PLEKHA7: variants seen among roughly 807,000 people sequenced by gnomAD.
The protein encoded by PLEKHA7 is pleckstrin homology domain-containing family A member 7.
In PLEKHA7, 104 loss-of-function variants were observed where a neutral mutation model predicts 170.0. The ratio of observed to expected loss-of-function variants is 0.61; its 90% CI spans 0.52 to 0.72. The LOEUF (loss-of-function observed/expected upper bound fraction) is 0.72. Ranked by LOEUF, PLEKHA7 falls within the 30% of genes least tolerant of loss-of-function variation. The probability of loss-of-function intolerance (pLI) is 0.00; values close to 1 mark genes in which losing one functional copy is unlikely to be tolerated. For synonymous variants in PLEKHA7, 648 were observed against 660.8 expected (o/e 0.98, Z 0.30); for missense variants, 1,615 against 1,671.7 (o/e 0.97, Z 0.59).
At chr11:16,913,665 GCA>G (rs774574359) in intron 3 of PLEKHA7, among the ~76,000 whole-genome samples, 1 of 152,214 alleles carries the variant, frequency 6.6e-6, no homozygotes, top group Non-Finnish European at 1.5e-5. Flanking sequence ...AGAGAGAGAA[GCA>G]CTGGAAAGGC....
At chr11:16,937,444 C>T (rs539644293) in intron 3 of PLEKHA7, among the ~76,000 whole-genome samples, 2 of 152,252 alleles carry the variant, frequency 1.3e-5, no homozygotes, top group South Asian at 4.2e-4. Context: ...ATACGACCAT[C>T]TGTATCATAG....
At chr11:16,936,391 G>C (rs1860295442) in intron 3 of PLEKHA7, among the ~76,000 whole-genome samples, 1 of 90,032 alleles carries the variant, frequency 1.1e-5, no homozygotes. Context: ...AATAGCGTGA[G>C]ACTCTGTCTC....
chr11:16,790,799 T>C lies in PLEKHA7; in HGVS notation c.3051A>G (p.Arg1017=), dbSNP rs763788394. The C allele has an allele frequency of 6.2e-7, 1 of 1,608,454 alleles. No individual in the cohort carries two copies. The highest frequency in any genetic ancestry group is 8.5e-7 in the Non-Finnish European group (1 of 1,177,712). The change falls in exon 21 of 27, where the codon AGA becomes AGG. Residue 1017 remains arginine, a splice_region_variant and synonymous_variant. Transcript: ENST00000531066. The part of the protein sequence containing the change: ...PESRYQTLPG[R]GLSGSTSRLQ... ...ACTCCAGGGAGGGCCCTGCCTTACC[T>C]CTGCCTGGCAGCGTCTGGTACCTGC... is the stretch of plus-strand genomic sequence containing the variant.
At chr11:16,864,891 A>G (rs903012014) in intron 4 of PLEKHA7, among the ~76,000 whole-genome samples, 6 of 152,192 alleles carry the variant, frequency 3.9e-5, no homozygotes, top group African/African-American at 1.4e-4. Flanking sequence ...TGAAATTTGT[A>G]TGCCTATAGC....
At chr11:17,010,397 A>AAATG (rs1360625800) in intron 3 of PLEKHA7, among the ~76,000 whole-genome samples, 1 of 22,480 alleles carries the variant, frequency 4.4e-5, no homozygotes, top group Non-Finnish European at 1.5e-4. Context: ...TTTAAAAAAA[A>AAATG]AAAGAAAGAA....
intron 3 of PLEKHA7, among the ~76,000 whole-genome samples, chr11:16,997,169 C>G (rs1312206760): frequency 6.6e-6 from 1 of 152,120 alleles, no homozygotes; most frequent in Admixed American, 6.6e-5. Flanking sequence ...GCTCCCATCA[C>G]CACCCCTCTA....
chr11:16,947,633 T>C lies in PLEKHA7; in HGVS notation c.221+66356A>G, dbSNP rs1406426452. 2.1e-5 allele frequency among the ~76,000 whole-genome samples: 3 copies of C among 140,972 alleles called. No individual in the cohort carries two copies. The Admixed American group carries it at 2.1e-4, about 10-fold the overall frequency. 92.5% of individuals were successfully genotyped at this position (140,972 alleles called of 152,430 possible). ...GAAAGAAAGAAAGGAAAAGCAAATATGGCTGGGCGCGGTGGCTCACACTTG... is the reference window on the plus strand; with the variant it reads ...GAAAGAAAGAAAGGAAAAGCAAATACGGCTGGGCGCGGTGGCTCACACTTG... On this transcript the variant is annotated intron_variant, in intron 3 of 26. Transcript: ENST00000531066.
intron 3 of PLEKHA7, among the ~76,000 whole-genome samples, chr11:16,964,833 G>A (rs1862273926): frequency 6.6e-6 from 1 of 152,170 alleles, no homozygotes; most frequent in Non-Finnish European, 1.5e-5. Context: ...TGCTCAAGAT[G>A]ACCCACGGAG....
chr11:16,813,097 C>A lies in PLEKHA7; in HGVS notation c.2007+16G>T. ...GGTGAGTATGCAAGGAAGGCAGGAACCCTGATGTCACTTACCTTTAGATCC... is the reference window on the plus strand; with the variant it reads ...GGTGAGTATGCAAGGAAGGCAGGAAACCTGATGTCACTTACCTTTAGATCC... On this transcript the variant is annotated intron_variant, in intron 13 of 26. Coordinates refer to ENST00000531066, the MANE Select transcript of PLEKHA7 (RefSeq NM_001329630.2). 6 of 1,611,018 alleles carry A rather than the reference C, an allele frequency of 3.7e-6. No homozygotes were observed. The highest frequency in any genetic ancestry group is 2.2e-5 in the East Asian group (1 of 44,792).
rs1359871870 is a variant in PLEKHA7 at position 16,892,617 on chromosome 11, TTC to T, written c.222-21437_222-21436del. On this transcript the variant is annotated intron_variant, in intron 3 of 26. Coordinates refer to ENST00000531066, the MANE Select transcript of PLEKHA7 (RefSeq NM_001329630.2). ...CGTGCCACCATGCCCAGCTTCCAGC[TTC>T]TTTTTTTTTTTTTTTTTTTTTTCGT... Among the ~76,000 whole-genome samples the T allele has an allele frequency of 1.4e-3, 162 of 114,672 alleles. 1 individual carries two copies. Among genetic ancestry groups the T allele is most frequent in the African/African-American group, 5.5e-3 (156 of 28,530 alleles). 75.2% of individuals were successfully genotyped at this position (114,672 alleles called of 152,430 possible).
intron 1 of PLEKHA7, 39 bp from the exon 2 acceptor site, chr11:17,014,240 C>G: frequency 7.0e-7 from 1 of 1,430,768 alleles, no homozygotes; most frequent in Non-Finnish European, 9.1e-7. Flanking sequence ...GCCGCCACAG[C>G]CCGCCGGGTG....
At chr11:16,865,061 C>G (rs1193529416) in intron 4 of PLEKHA7, among the ~76,000 whole-genome samples, 1 of 152,162 alleles carries the variant, frequency 6.6e-6, no homozygotes, top group Non-Finnish European at 1.5e-5. Context: ...GAACCCTCAC[C>G]ATAATGGTCC....
chr11:16,879,782 T>TG (rs1464444344), intron 3 of PLEKHA7, among the ~76,000 whole-genome samples: 5 of 152,244 alleles, frequency 3.3e-5, no homozygotes, highest in Admixed American at 6.5e-5. Context: ...AACAGTCTTC[T>TG]GGCATGATTT....
intron 4 of PLEKHA7, among the ~76,000 whole-genome samples, chr11:16,866,060 A>G (rs1854367316): frequency 6.6e-6 from 1 of 151,438 alleles, no homozygotes; most frequent in Non-Finnish European, 1.5e-5. Flanking sequence ...GGTGGTCTCG[A>G]TCTCCTGACC....
intron 3 of PLEKHA7, among the ~76,000 whole-genome samples, chr11:16,991,988 G>A (rs888198579): frequency 5.9e-5 from 9 of 152,168 alleles, no homozygotes; most frequent in South Asian, 4.1e-4. Flanking sequence ...AAAGCTCCCC[G>A]GGAATGTGCC....
intron 3 of PLEKHA7, among the ~76,000 whole-genome samples, chr11:16,896,121 C>T (rs1342896080): frequency 2.0e-5 from 3 of 152,306 alleles, no homozygotes; most frequent in East Asian, 3.9e-4. Flanking sequence ...CTCTGAGTTC[C>T]GTCCACTCTC....
chr11:16,783,802 T>C lies in PLEKHA7; in HGVS notation c.3548A>G (p.Glu1183Gly), dbSNP rs1261739599. 1.3e-5 allele frequency: 20 copies of C among 1,509,880 alleles called. No individual in the cohort carries two copies. The highest frequency in any genetic ancestry group is 6.4e-5 in the Admixed American group (3 of 47,220). 93.5% of individuals were successfully genotyped at this position (1,509,880 alleles called of 1,614,324 possible). The stretch of plus-strand genomic sequence containing the variant: ...TTCGGGATCTAGCTCCACGTAGCGC[T>C]CAGGGATTGACACCTTCTCTGGTTT... ...LSKPEKVSIP[E>G]RYVELDPEEP... The change falls in exon 25 of 27, where the codon GAG becomes GGG. Residue 1183 changes from glutamate (E) to glycine (G), a missense_variant. Transcript: ENST00000531066.
intron 6 of PLEKHA7, among the ~76,000 whole-genome samples, chr11:16,854,553 T>C (rs542779771): frequency 2.0e-5 from 3 of 152,282 alleles, no homozygotes; most frequent in Non-Finnish European, 2.9e-5. Context: ...AAAGACTCTT[T>C]GACACCAGGA....
intron 8 of PLEKHA7, among the ~76,000 whole-genome samples, chr11:16,847,842 CA>C (rs35191685): frequency 0.047 from 4,727 of 101,366 alleles, 123 homozygotes; most frequent in African/African-American, 0.12. Flanking sequence ...AATTCTGTCT[CA>C]AAAAAAAAAA....
Sources: gnomAD v4.1 joint callset for allele counts (sites outside exome capture counted in the v4.1 genomes callset) on GRCh38, gnomAD v4.1.1 for gene constraint, MANE v1.5 for transcripts, NCBI Gene and HGNC (gene_info 2026-07-23, HGNC 2026-07-21) for gene names.